The following DTNBP1 variants were observed in gnomAD, a reference collection of about 807,000 sequenced individuals.
DTNBP1 encodes dystrobrevin binding protein 1, also known as dysbindin.
A neutral mutation model predicts 42.8 loss-of-function variants in DTNBP1; 35 were observed. The ratio of observed to expected loss-of-function variants is 0.82; its 90% CI spans 0.63 to 1.09. The LOEUF is 1.09. DTNBP1 is among the 50% of genes least tolerant of loss of function. The pLI is 0.00. For synonymous variants in DTNBP1, 171 were observed against 162.2 expected (o/e 1.05, Z -0.41); for missense variants, 457 against 424.2 (o/e 1.08, Z -0.68).
intron 7 of DTNBP1, among the ~76,000 whole-genome samples, chr6:15,581,248 C>G (rs142509629): frequency 1.3e-5 from 2 of 152,016 alleles, no homozygotes; most frequent in Admixed American, 1.3e-4. Context: ...GGCTCCATCT[C>G]GGCTCTCTGC....
intron 1 of DTNBP1, chr6:15,660,405 A>G (rs1457973925): frequency 1.6e-6 from 2 of 1,289,828 alleles, no homozygotes; most frequent in Non-Finnish European, 2.0e-6. Context: ...AACATCAGGC[A>G]CTAGAGGTCC....
chr6:15,617,406 T>G (rs1242811896), intron 5 of DTNBP1, among the ~76,000 whole-genome samples: 1 of 152,006 alleles, frequency 6.6e-6, no homozygotes, highest in Non-Finnish European at 1.5e-5. Flanking sequence ...AGACCCTGAA[T>G]AGCCAGAGCA....
chr6:15,650,334 A>G (rs1760917268), intron 3 of DTNBP1, among the ~76,000 whole-genome samples: 2 of 152,110 alleles, frequency 1.3e-5, no homozygotes, highest in Non-Finnish European at 2.9e-5. Flanking sequence ...GTGCACTGGC[A>G]CGATCTCGGC....
chr6:15,590,174 T>A (rs1776237140), intron 7 of DTNBP1, among the ~76,000 whole-genome samples: 1 of 152,200 alleles, frequency 6.6e-6, no homozygotes, highest in Non-Finnish European at 1.5e-5. Flanking sequence ...CCTCAAGTGA[T>A]CCGCTTGCCT....
intron 7 of DTNBP1, among the ~76,000 whole-genome samples, chr6:15,556,229 T>A (rs1295582399): frequency 6.6e-6 from 1 of 151,754 alleles, no homozygotes; most frequent in East Asian, 1.9e-4. Context: ...TTGCCCAGGC[T>A]GGAGTGCAGT....
At chr6:15,631,887 T>C (rs891978139) in intron 4 of DTNBP1, among the ~76,000 whole-genome samples, 4 of 152,236 alleles carry the variant, frequency 2.6e-5, no homozygotes, top group African/African-American at 9.6e-5. Context: ...CAAGTTCTAG[T>C]TGTTTATCAT....
intron 7 of DTNBP1, 125 bp from the exon 8 acceptor site, chr6:15,533,520 G>A: frequency 2.0e-6 from 3 of 1,490,924 alleles, no homozygotes; most frequent in South Asian, 2.3e-5. Context: ...GACTGGGCTG[G>A]TGCCCCGACT....
Position 15,522,839 on chromosome 6 carries a change from C to G in DTNBP1, c.*136G>C, listed in dbSNP as rs1347082680. 4.3e-5 allele frequency: 63 copies of G among 1,477,522 alleles called. No individual in the cohort carries two copies. Among genetic ancestry groups the G allele is most frequent in the Non-Finnish European group, 5.7e-5 (61 of 1,069,858 alleles). 91.5% of individuals were successfully genotyped at this position (1,477,522 alleles called of 1,614,324 possible). A position where few individuals can be genotyped will look rare whatever the true frequency, so the allele number is the denominator to read the frequency against. On this transcript the variant is annotated 3_prime_UTR_variant, in exon 10 of 10. Coordinates refer to ENST00000344537, the MANE Select transcript of DTNBP1 (RefSeq NM_032122.5). ...TCCTCACACTTTATTGTTAGCTGTT[C>G]TTTAAGTTTCTCACACATTATTGGC...
chr6:15,616,845 G>A lies in DTNBP1; in HGVS notation c.356-1446C>T, dbSNP rs116586186. Among the ~76,000 whole-genome samples the A allele has an allele frequency of 3.4e-3, 519 of 152,272 alleles. 4 individuals carry two copies. The highest frequency in any genetic ancestry group is 0.012 in the African/African-American group (500 of 41,562). Reference sequence around the variant, plus strand: ...GGAAGTCAAAATGCCTCTGTTTGCAGATGACATGATCTTATGTATAGAAAA... The same window carrying A: ...GGAAGTCAAAATGCCTCTGTTTGCAAATGACATGATCTTATGTATAGAAAA... On this transcript the variant is annotated intron_variant, in intron 5 of 9. Coordinates refer to ENST00000344537, the MANE Select transcript of DTNBP1 (RefSeq NM_032122.5).
chr6:15,596,599 C>A lies in DTNBP1; in HGVS notation c.489-3518G>T, dbSNP rs568048700. Among the ~76,000 whole-genome samples the A allele has an allele frequency of 4.7e-4, 71 of 152,320 alleles. 1 individual carries two copies. The highest frequency in any genetic ancestry group is 3.3e-3 in the South Asian group (16 of 4,822). ...TATTGTCTCCATCCCTTCCAGACCA[C>A]CAGATGCTGGAGTGCTGCAGGCTTG... On this transcript the variant is annotated intron_variant, in intron 6 of 9. Coordinates refer to ENST00000344537, the MANE Select transcript of DTNBP1 (RefSeq NM_032122.5).
chr6:15,546,212 C>T (rs1304716862), intron 7 of DTNBP1: 9 of 317,154 alleles, frequency 2.8e-5, no homozygotes, highest in African/African-American at 1.3e-4. Context: ...ATTACAGGCG[C>T]GTACCACCAC....
At chr6:15,559,213 G>A (rs1200036087) in intron 7 of DTNBP1, among the ~76,000 whole-genome samples, 1 of 152,192 alleles carries the variant, frequency 6.6e-6, no homozygotes. Flanking sequence ...ACAACGACCA[G>A]TTGAAAGCGA....
chr6:15,658,533 T>A (rs1761412503), intron 1 of DTNBP1, among the ~76,000 whole-genome samples: 1 of 151,952 alleles, frequency 6.6e-6, no homozygotes, highest in African/African-American at 2.4e-5. Flanking sequence ...GGTTTTTTTA[T>A]CCCCAACCAC....
chr6:15,625,494 G>A (rs181718175), intron 5 of DTNBP1, among the ~76,000 whole-genome samples: 1 of 152,282 alleles, frequency 6.6e-6, no homozygotes, highest in Non-Finnish European at 1.5e-5. Flanking sequence ...CATTTAAGAA[G>A]CCAAAATGCA....
intron 6 of DTNBP1, among the ~76,000 whole-genome samples, chr6:15,605,105 G>A (rs1039580828): frequency 6.6e-6 from 1 of 152,310 alleles, no homozygotes; most frequent in Middle Eastern, 3.4e-3. Context: ...ATGGTATGCT[G>A]TGTACTGAAG....
At chr6:15,640,288 T>G (rs1179800819) in intron 3 of DTNBP1, among the ~76,000 whole-genome samples, 1 of 152,184 alleles carries the variant, frequency 6.6e-6, no homozygotes, top group East Asian at 1.9e-4. Flanking sequence ...CTCATCCCCA[T>G]CCAATCACTT....
rs148487903 is a variant in DTNBP1, at chr6:15,646,612, C to T, written c.161+4701G>A. ...CTAGAAGCATCACATTACCTGACTT[C>T]AAACCATACTACAAGGCTACAGTAA... On this transcript the variant is annotated intron_variant, in intron 3 of 9. Coordinates refer to ENST00000344537, the MANE Select transcript of DTNBP1 (RefSeq NM_032122.5). 1.8e-3 allele frequency among the ~76,000 whole-genome samples: 279 copies of T among 152,132 alleles called. 2 individuals carry two copies. The highest frequency in any genetic ancestry group is 6.0e-3 in the African/African-American group (251 of 41,526).
At chr6:15,576,646 G>GT (rs1775585822) in intron 7 of DTNBP1, among the ~76,000 whole-genome samples, 1 of 151,540 alleles carries the variant, frequency 6.6e-6, no homozygotes. Flanking sequence ...GTGTGTGCCT[G>GT]TAATTCTAGC....
chr6:15,610,170 C>T (rs192782697), intron 6 of DTNBP1, among the ~76,000 whole-genome samples: 55 of 152,250 alleles, frequency 3.6e-4, no homozygotes, highest in Admixed American at 2.9e-3. Context: ...CCTGGCTAAG[C>T]GGAGGATCAA....
Sources: gnomAD v4.1 joint callset for allele counts (sites outside exome capture counted in the v4.1 genomes callset) on GRCh38, gnomAD v4.1.1 for gene constraint, MANE v1.5 for transcripts, NCBI Gene and HGNC (gene_info 2026-07-23, HGNC 2026-07-21) for gene names.